HTR1F: variants seen among roughly 807,000 people sequenced by gnomAD.
HTR1F encodes the protein 5-hydroxytryptamine receptor 1F.
In HTR1F, 17 loss-of-function variants were observed where a neutral mutation model predicts 24.0. That is an observed-to-expected ratio of 0.71 (90% CI 0.48 to 1.06). The LOEUF is 1.06. HTR1F is among the 50% of genes least tolerant of loss of function. HTR1F has a pLI of 0.00. For synonymous variants in HTR1F, 186 were observed against 156.8 expected (o/e 1.19, Z -1.39); for missense variants, 391 against 427.8 (o/e 0.91, Z 0.76).
At chr3:87,876,628 A>C (rs1705677732) in intron 2 of HTR1F, among the ~76,000 whole-genome samples, 2 of 152,196 alleles carry the variant, frequency 1.3e-5, no homozygotes, top group South Asian at 4.1e-4. Flanking sequence ...CGTCATAAAA[A>C]ATAGTCAAAC....
chr3:87,856,160 T>C (rs1705193479), intron 2 of HTR1F, among the ~76,000 whole-genome samples: 1 of 152,066 alleles, frequency 6.6e-6, no homozygotes, highest in Admixed American at 6.6e-5. Context: ...TATTAGTTAC[T>C]ATTAATCTCT....
At chr3:87,825,581 C>G (rs887764908) in intron 2 of HTR1F, among the ~76,000 whole-genome samples, 1 of 152,170 alleles carries the variant, frequency 6.6e-6, no homozygotes, top group Admixed American at 6.5e-5. Context: ...ACTATATCTT[C>G]TCAATTCATC....
At chr3:87,828,810 C>T (rs1704514300) in intron 2 of HTR1F, among the ~76,000 whole-genome samples, 2 of 152,126 alleles carry the variant, frequency 1.3e-5, no homozygotes, top group Non-Finnish European at 2.9e-5. Context: ...TCTATTGTTA[C>T]TTGAAAATGT....
At chr3:87,967,524 A>G (rs1705192670) in intron 2 of HTR1F, among the ~76,000 whole-genome samples, 2 of 151,902 alleles carry the variant, frequency 1.3e-5, no homozygotes, top group African/African-American at 4.8e-5. Flanking sequence ...CCAAACCTCA[A>G]ATTAGAGCTC....
intron 2 of HTR1F, among the ~76,000 whole-genome samples, chr3:87,890,142 C>T (rs1706045005): frequency 6.6e-6 from 1 of 152,136 alleles, no homozygotes; most frequent in Admixed American, 6.6e-5. Context: ...AGAACCGTGT[C>T]ATCCAAATCC....
chr3:87,866,743 G>C (rs2932285), intron 2 of HTR1F, among the ~76,000 whole-genome samples: 54,878 of 151,532 alleles, frequency 0.36, 15,179 homozygotes, highest in African/African-American at 0.77. Context: ...TTCTCTTAAC[G>C]TAGTGATTTC....
chr3:87,988,395 A>T (rs551229762), intron 2 of HTR1F, among the ~76,000 whole-genome samples: 2 of 152,148 alleles, frequency 1.3e-5, no homozygotes, highest in African/African-American at 2.4e-5. Flanking sequence ...CCAGAAAGGT[A>T]TTCAAATTTC....
chr3:87,812,759 G>C (rs1047724966), intron 1 of HTR1F, among the ~76,000 whole-genome samples: 1 of 152,220 alleles, frequency 6.6e-6, no homozygotes, highest in Non-Finnish European at 1.5e-5. Flanking sequence ...GCTCTTTGCA[G>C]ACTCAGGACT....
intron 2 of HTR1F, among the ~76,000 whole-genome samples, chr3:87,920,601 G>A (rs957250332): frequency 6.6e-6 from 1 of 151,854 alleles, no homozygotes; most frequent in Non-Finnish European, 1.5e-5. Context: ...GAACATAAAA[G>A]GTGTTTCTGA....
intron 2 of HTR1F, among the ~76,000 whole-genome samples, chr3:87,868,235 AT>A (rs1278165015): frequency 2.0e-5 from 3 of 151,982 alleles, no homozygotes; most frequent in Non-Finnish European, 4.4e-5. Flanking sequence ...AGCCCTTTTA[AT>A]TTTTTATTGG....
At chr3:87,834,607 G>A (rs1286965866) in intron 2 of HTR1F, among the ~76,000 whole-genome samples, 1 of 152,130 alleles carries the variant, frequency 6.6e-6, no homozygotes, top group Non-Finnish European at 1.5e-5. Context: ...GAACAGTGAT[G>A]AATGGATATA....
chr3:87,935,239 C>A lies in HTR1F; in HGVS notation c.-42-55469C>A, dbSNP rs536812810. On this transcript the variant is annotated intron_variant, in intron 2 of 2. Transcript: ENST00000319595. ...AACGTGAGAAGTACTAACAAGGCCC[C>A]AAAAATGAAGAGAAAAAGGAGAGGG... Among the ~76,000 whole-genome samples the A allele has an allele frequency of 5.9e-5, 9 of 152,188 alleles. No homozygotes were observed. The East Asian group carries it at 1.4e-3, about 23-fold the overall frequency.
chr3:87,921,450 C>T lies in HTR1F; in HGVS notation c.-42-69258C>T, dbSNP rs145669251. ...AAATATAACATGCTTTTTTTATACA[C>T]GATATAATTGTACATGTTTATGGAG... On this transcript the variant is annotated intron_variant, in intron 2 of 2. Transcript: ENST00000319595. 7.9e-4 allele frequency among the ~76,000 whole-genome samples: 120 copies of T among 151,786 alleles called. No homozygotes were observed. In the East Asian group the frequency reaches 0.016, roughly 20 times the overall value.
chr3:87,956,935 T>G (rs981897915), intron 2 of HTR1F, among the ~76,000 whole-genome samples: 4 of 151,334 alleles, frequency 2.6e-5, no homozygotes, highest in Non-Finnish European at 5.9e-5. Flanking sequence ...ATCTTTTTTT[T>G]CTGATCCTCA....
intron 1 of HTR1F, among the ~76,000 whole-genome samples, chr3:87,801,484 C>A (rs1703988809): frequency 6.6e-6 from 1 of 152,122 alleles, no homozygotes; most frequent in Non-Finnish European, 1.5e-5. Flanking sequence ...CGGGGCACAG[C>A]TAGGTTTTAT....
intron 2 of HTR1F, among the ~76,000 whole-genome samples, chr3:87,833,382 TA>T (rs1036099557): frequency 2.6e-5 from 4 of 152,126 alleles, no homozygotes; most frequent in Admixed American, 1.3e-4. Context: ...TCTACTTGTT[TA>T]AAAAAATGCA....
chr3:87,884,939 G>C (rs942678313), intron 2 of HTR1F, among the ~76,000 whole-genome samples: 1 of 152,152 alleles, frequency 6.6e-6, no homozygotes, highest in African/African-American at 2.4e-5. Flanking sequence ...CAATGAGTCA[G>C]AAGGTTAACA....
chr3:87,878,669 CCACACACACACAAA>C (rs1193645511), intron 2 of HTR1F, among the ~76,000 whole-genome samples: 1 of 151,510 alleles, frequency 6.6e-6, no homozygotes, highest in Non-Finnish European at 1.5e-5. Flanking sequence ...CACAAGCACA[CCACACACACACAAA>C]CACACACACA....
intron 2 of HTR1F, among the ~76,000 whole-genome samples, chr3:87,824,435 T>C (rs1207101080): frequency 2.0e-5 from 3 of 152,222 alleles, no homozygotes; most frequent in Admixed American, 6.5e-5. Context: ...TACTTATCAC[T>C]CTTCATAGTG....
Sources: gnomAD v4.1 joint callset for allele counts (sites outside exome capture counted in the v4.1 genomes callset) on GRCh38, gnomAD v4.1.1 for gene constraint, MANE v1.5 for transcripts, NCBI Gene and HGNC (gene_info 2026-07-23, HGNC 2026-07-21) for gene names.